Variants in TBC1D22A observed in about 807,000 individuals in gnomAD.
The protein encoded by TBC1D22A is putative GTPase activator.
In TBC1D22A, 38 loss-of-function variants were observed where a neutral mutation model predicts 60.2. The ratio of observed to expected loss-of-function variants is 0.63; its 90% CI spans 0.49 to 0.83. The LOEUF is 0.83. Ranked by LOEUF, TBC1D22A falls within the 40% of genes least tolerant of loss-of-function variation. TBC1D22A has a pLI of 0.00. For synonymous variants in TBC1D22A, 302 were observed against 281.7 expected, an observed-to-expected ratio of 1.07 and a Z score of -0.72; for missense variants, 628 against 701.0, an observed-to-expected ratio of 0.90 and a Z score of 1.18.
chr22:47,060,163 C>T (rs1383128136), intron 11 of TBC1D22A, among the ~76,000 whole-genome samples: 1 of 152,018 alleles, frequency 6.6e-6, no homozygotes, highest in Non-Finnish European at 1.5e-5. Context: ...ATGCCAGAAG[C>T]CAGTGCTCTG....
chr22:46,908,405 C>T (rs904570063), intron 7 of TBC1D22A, among the ~76,000 whole-genome samples: 1 of 152,176 alleles, frequency 6.6e-6, no homozygotes, highest in African/African-American at 2.4e-5. Flanking sequence ...TGCAGTGTCA[C>T]ACGCCTCCAC....
At chr22:46,882,224 G>A (rs561121120) in intron 5 of TBC1D22A, among the ~76,000 whole-genome samples, 2 of 152,192 alleles carry the variant, frequency 1.3e-5, no homozygotes, top group Non-Finnish European at 2.9e-5. Flanking sequence ...ACTGACTCTA[G>A]CATGCTGTGA....
intron 10 of TBC1D22A, among the ~76,000 whole-genome samples, chr22:47,027,090 G>C (rs2062282260): frequency 6.6e-6 from 1 of 152,332 alleles, no homozygotes; most frequent in African/African-American, 2.4e-5. Flanking sequence ...ATAGAAGAGA[G>C]TGCTGAGAAA....
rs60073777 is a variant in TBC1D22A at position 47,141,580 on chromosome 22, C to T, written c.1425+29977C>T. On this transcript the variant is annotated intron_variant, in intron 12 of 12. Coordinates refer to ENST00000337137, the MANE Select transcript of TBC1D22A (RefSeq NM_014346.5). Reference sequence around the variant, plus strand: ...GACTCCACGTCTGGGCTTCCAGCTTCGTCGGCTGCCCTGACTTTCCTCCAT... The same window carrying T: ...GACTCCACGTCTGGGCTTCCAGCTTTGTCGGCTGCCCTGACTTTCCTCCAT... Among the ~76,000 whole-genome samples the T allele has an allele frequency of 2.4e-4, 36 of 152,358 alleles. 1 individual carries two copies. The East Asian group carries it at 5.6e-3, about 24-fold the overall frequency.
At chr22:47,133,279 C>G (rs1601619624) in intron 12 of TBC1D22A, among the ~76,000 whole-genome samples, 1 of 152,322 alleles carries the variant, frequency 6.6e-6, no homozygotes, top group East Asian at 1.9e-4. Flanking sequence ...CAAAACTATA[C>G]AGCTCTTTCC....
intron 10 of TBC1D22A, among the ~76,000 whole-genome samples, chr22:47,011,119 C>A (rs1172617901): frequency 6.6e-6 from 1 of 152,168 alleles, no homozygotes; most frequent in African/African-American, 2.4e-5. Flanking sequence ...TCTCAGCTTC[C>A]CCGCAGGCTG....
intron 11 of TBC1D22A, among the ~76,000 whole-genome samples, chr22:47,046,703 G>A (rs2063043585): frequency 6.6e-6 from 1 of 152,156 alleles, no homozygotes; most frequent in Non-Finnish European, 1.5e-5. Context: ...TGGCGCCTGG[G>A]CCCCCTGAAG....
rs192901159 is a variant in TBC1D22A at position 47,174,596 on chromosome 22, G to T, written c.*970G>T. 6 of 152,320 alleles carry T rather than the reference G, an allele frequency of 3.9e-5. No individual in the cohort carries two copies. The East Asian group carries it at 1.2e-3, about 30-fold the overall frequency. 9.4% of individuals were successfully genotyped at this position (152,320 alleles called of 1,614,324 possible). On this transcript the variant is annotated 3_prime_UTR_variant, in exon 13 of 13. Coordinates refer to ENST00000337137, the MANE Select transcript of TBC1D22A (RefSeq NM_014346.5). ...GGTCTGCCAGGTGTAGGGGAGGTGT[G>T]ACTGGTTCCATCATGGACCGGTTCC... is the stretch of plus-strand genomic sequence containing the variant.
intron 4 of TBC1D22A, among the ~76,000 whole-genome samples, chr22:46,824,662 A>G (rs1365394730): frequency 6.6e-6 from 1 of 152,094 alleles, no homozygotes; most frequent in African/African-American, 2.4e-5. Flanking sequence ...AAGACCAGTT[A>G]GGAGGGTGGT....
chr22:47,030,298 G>A (rs906111711), intron 10 of TBC1D22A, among the ~76,000 whole-genome samples: 1 of 152,274 alleles, frequency 6.6e-6, no homozygotes, highest in African/African-American at 2.4e-5. Flanking sequence ...GCTGCTCTTC[G>A]GGTGATAAAT....
In TBC1D22A at chr22:47,009,210, A is replaced by G. The variant is rs920826383; in HGVS notation, c.1201+11501A>G. The stretch of plus-strand genomic sequence containing the variant: ...GGAGTGCCTGGCACACTTAAGTCTC[A>G]TGCAGTGTTAGTACCCATTATTGTC... On this transcript the variant is annotated intron_variant, in intron 10 of 12. Transcript: ENST00000337137. This position sits in a 1 kb window ranked among gnomAD's most constrained non-coding sequence, Gnocchi z 5.8. 6.6e-6 allele frequency among the ~76,000 whole-genome samples: 1 copy of G among 152,124 alleles called. No individual in the cohort carries two copies. The highest frequency in any genetic ancestry group is 1.5e-5 in the Non-Finnish European group (1 of 68,016).
chr22:47,096,714 T>A (rs565748470), intron 11 of TBC1D22A, among the ~76,000 whole-genome samples: 2 of 152,050 alleles, frequency 1.3e-5, no homozygotes, highest in African/African-American at 4.8e-5. Context: ...CCCAGCTACT[T>A]GGGAGGCTGA....
intron 7 of TBC1D22A, among the ~76,000 whole-genome samples, chr22:46,907,649 TC>T (rs1396302949): frequency 1.3e-5 from 2 of 152,022 alleles, no homozygotes; most frequent in Non-Finnish European, 2.9e-5. Context: ...CATCCACACC[TC>T]CATTTAGCCA....
At chr22:46,802,574 A>G (rs1393741064) in intron 4 of TBC1D22A, among the ~76,000 whole-genome samples, 2 of 152,216 alleles carry the variant, frequency 1.3e-5, no homozygotes, top group African/African-American at 4.8e-5. Context: ...CCAGGTCCCC[A>G]GGGCTGAGAA....
chr22:46,941,230 C>CACACACACACAG (rs2072027275), intron 8 of TBC1D22A, among the ~76,000 whole-genome samples: 3 of 144,318 alleles, frequency 2.1e-5, no homozygotes, highest in African/African-American at 7.8e-5. Context: ...CACACACACA[C>CACACACACACAG]ACACACAGTC....
chr22:46,941,334 A>AT (rs2072042772), intron 8 of TBC1D22A, among the ~76,000 whole-genome samples: 1 of 143,122 alleles, frequency 7.0e-6, no homozygotes, highest in East Asian at 1.9e-4. Context: ...GGGGCACTAC[A>AT]ATATATATAT....
intron 10 of TBC1D22A, among the ~76,000 whole-genome samples, chr22:47,015,293 C>T (rs900950188): frequency 3.9e-5 from 6 of 152,130 alleles, no homozygotes; most frequent in African/African-American, 1.4e-4. Flanking sequence ...GCGAGACTCC[C>T]GAGGGTCCCT....
At chr22:47,097,441 C>T (rs1221081085) in intron 11 of TBC1D22A, among the ~76,000 whole-genome samples, 2 of 152,082 alleles carry the variant, frequency 1.3e-5, no homozygotes, top group East Asian at 3.9e-4. Context: ...TGGTGAAACC[C>T]CATCTCTACT....
At chr22:46,920,721 C>T (rs1250580997) in intron 8 of TBC1D22A, among the ~76,000 whole-genome samples, 3 of 152,076 alleles carry the variant, frequency 2.0e-5, no homozygotes, top group Non-Finnish European at 4.4e-5. Flanking sequence ...TTTGTTTAAA[C>T]ACTGAAACAA....
Sources: gnomAD v4.1 joint callset for allele counts (sites outside exome capture counted in the v4.1 genomes callset) on GRCh38, gnomAD v4.1.1 for gene constraint, Gnocchi (gnomAD v3.1) non-coding constraint, MANE v1.5 for transcripts, NCBI Gene and HGNC (gene_info 2026-07-23, HGNC 2026-07-21) for gene names.